NLRP5: variants seen among roughly 807,000 people sequenced by gnomAD.
NLRP5 encodes NLR family pyrin domain containing 5.
A neutral mutation model predicts 113.1 loss-of-function variants in NLRP5; 93 were observed. The ratio of observed to expected loss-of-function variants is 0.82; its 90% CI spans 0.70 to 0.98. The LOEUF is 0.98. NLRP5 is among the 50% of genes least tolerant of loss of function. NLRP5 has a pLI of 0.00. For synonymous variants in NLRP5, 751 were observed against 600.7 expected (o/e 1.25, Z -3.66); for missense variants, 1,808 against 1,514.3 (o/e 1.19, Z -3.22).
intron 9 of NLRP5, among the ~76,000 whole-genome samples, chr19:56,037,290 G>A (rs973588135): frequency 1.2e-4 from 18 of 152,226 alleles, no homozygotes; most frequent in Non-Finnish European, 2.1e-4. Flanking sequence ...AGGCACCGTC[G>A]CAGCTGCCGA....
At position 56,021,541 on chromosome 19, in the gene NLRP5, G is replaced by T. The variant is rs10401127; in HGVS notation, c.679+1110G>T. On this transcript the variant is annotated intron_variant, in intron 6 of 14. Transcript: ENST00000390649. ...TCTACTTTGTATCTCTAAACTCTCC[G>T]ATTCCAGATCGGTCATGTAGATGGA... is the stretch of plus-strand genomic sequence containing the variant. Among the ~76,000 whole-genome samples, 1,396 of 152,020 alleles carry T rather than the reference G, an allele frequency of 9.2e-3. 21 individuals carry two copies. The highest frequency in any genetic ancestry group is 0.032 in the African/African-American group (1,325 of 41,442).
chr19:56,005,468 C>CACGCAGGTGGCATGCCTATACACACATAT (rs1568481807), intron 2 of NLRP5, among the ~76,000 whole-genome samples: 25 of 140,782 alleles, frequency 1.8e-4, no homozygotes, highest in African/African-American at 6.5e-4. Flanking sequence ...TACACACACA[C>CACGCAGGTGGCATGCCTATACACACATAT]ATATTTATAC....
At chr19:56,038,833 G>C (rs965626929) in intron 10 of NLRP5, among the ~76,000 whole-genome samples, 1 of 152,108 alleles carries the variant, frequency 6.6e-6, no homozygotes, top group African/African-American at 2.4e-5. Context: ...TTCCTTTTCC[G>C]TGTCAGAGTT....
intron 13 of NLRP5, among the ~76,000 whole-genome samples, chr19:56,058,028 C>CAA (rs10659776): frequency 0.13 from 14,590 of 115,490 alleles, 958 homozygotes; most frequent in African/African-American, 0.21. Context: ...AATGCTATCT[C>CAA]AAAAAAAAAA....
intron 13 of NLRP5, among the ~76,000 whole-genome samples, chr19:56,057,982 T>C (rs1984217188): frequency 1.3e-5 from 2 of 150,170 alleles, no homozygotes; most frequent in African/African-American, 4.9e-5. Flanking sequence ...GAGCCAAGAT[T>C]GTGCTACTGC....
chr19:56,023,869 A>T (rs1056135054), intron 6 of NLRP5, among the ~76,000 whole-genome samples: 1 of 152,172 alleles, frequency 6.6e-6, no homozygotes. Flanking sequence ...TACAGTTAGT[A>T]ATTGTATTAC....
chr19:56,022,592 T>A (rs542502516), intron 6 of NLRP5, among the ~76,000 whole-genome samples: 22 of 152,130 alleles, frequency 1.4e-4, no homozygotes, highest in Non-Finnish European at 2.9e-4. Flanking sequence ...ACAATTAAAT[T>A]TATGTAAAAC....
In NLRP5 at chr19:56,027,078, TG is replaced by T. The variant is rs1413533596; in HGVS notation, c.847del (p.Val283PhefsTer13). 6.4e-7 allele frequency: 1 copy of T among 1,561,450 alleles called. No homozygotes were observed. Among genetic ancestry groups the T allele is most frequent in the African/African-American group, 1.4e-5 (1 of 73,392 alleles). On this transcript the variant is annotated frameshift_variant, in exon 7 of 15. Transcript: ENST00000390649. LOFTEE classifies it high-confidence loss of function. ...CGGTGGGGCTTCCGGCCTCGCACGG[TG>T]GTTCTGCACGGAAAGTCAGGAATTG...
rs780680115 is a variant in NLRP5, at chr19:56,027,849, T to C, written c.1616T>C (p.Val539Ala). The C allele has an allele frequency of 6.2e-7, 1 of 1,613,620 alleles. No homozygotes were observed. Among genetic ancestry groups the C allele is most frequent in the Non-Finnish European group, 8.5e-7 (1 of 1,179,820 alleles). Residue 539 changes from valine to alanine, a missense_variant, in exon 7 of 15, where the codon GTG becomes GCG. Transcript: ENST00000390649. Reference sequence around the variant, plus strand: ...TTCTGCCGTATGGCTGTGGAGGGAGTGTGGAATAGGAAGTCAGTGTTTGAC... The same window carrying C: ...TTCTGCCGTATGGCTGTGGAGGGAGCGTGGAATAGGAAGTCAGTGTTTGAC...
rs937199077 is a variant in NLRP5, at chr19:56,008,825, C to T, written c.480C>T (p.Asp160=). ...AAGATCCTGAAGCAACGATGACTGACCAAGGACCAAGCAAGGAAAAAGTGC... is the reference window on the plus strand; with the variant it reads ...AAGATCCTGAAGCAACGATGACTGATCAAGGACCAAGCAAGGAAAAAGTGC... Residue 160 remains aspartate, a synonymous_variant, in exon 3 of 15, where the codon GAC becomes GAT. Transcript: ENST00000390649. 7.4e-6 allele frequency: 12 copies of T among 1,612,234 alleles called. No homozygotes were observed. The African/African-American group carries it at 1.6e-4, about 22-fold the overall frequency.
Position 56,005,280 on chromosome 19 carries a change from CAT to C in NLRP5, c.442+1190_442+1191del, listed in dbSNP as rs901280579. On this transcript the variant is annotated intron_variant, in intron 2 of 14. Coordinates refer to ENST00000390649, the MANE Select transcript of NLRP5 (RefSeq NM_153447.4). ...TTATATATACACATACACATATACA[CAT>C]ATATTTTTATATATACACATATATA... Among the ~76,000 whole-genome samples the C allele has an allele frequency of 8.5e-4, 125 of 146,448 alleles. No homozygotes were observed. The East Asian group carries it at 0.012, about 14-fold the overall frequency.
intron 11 of NLRP5, among the ~76,000 whole-genome samples, chr19:56,045,433 C>G (rs1983686775): frequency 6.6e-6 from 1 of 151,826 alleles, no homozygotes; most frequent in Admixed American, 6.6e-5. Flanking sequence ...TTTTATTATA[C>G]TTTAAGTTTT....
chr19:55,998,036 AAAC>A (rs761571025), upstream of NLRP5, among the ~76,000 whole-genome samples: 4 of 152,154 alleles, frequency 2.6e-5, no homozygotes, highest in African/African-American at 4.8e-5. Context: ...AAAATAATCA[AAAC>A]AACCATGGTA....
intron 2 of NLRP5, among the ~76,000 whole-genome samples, chr19:56,007,303 G>A (rs1348474843): frequency 6.6e-6 from 1 of 151,074 alleles, no homozygotes; most frequent in African/African-American, 2.5e-5. Flanking sequence ...GGCAGAGGTT[G>A]CAGTGAGCTG....
intron 13 of NLRP5, among the ~76,000 whole-genome samples, chr19:56,057,199 C>T (rs437136): frequency 0.21 from 31,375 of 152,098 alleles, 3,529 homozygotes; most frequent in Non-Finnish European, 0.26. Flanking sequence ...TATATACCCA[C>T]CACCTAATTT....
rs1555765383 is a variant in NLRP5, at chr19:56,013,596, G to GGTTTTTTTTTTTTTTTTT, written c.509-2146_509-2145insGTTTTTTTTTTTTTTTTT. Among the ~76,000 whole-genome samples the GGTTTTTTTTTTTTTTTTT allele has an allele frequency of 6.2e-4, 37 of 59,288 alleles. 3 individuals carry two copies. Among genetic ancestry groups the GGTTTTTTTTTTTTTTTTT allele is most frequent in the Non-Finnish European group, 5.8e-4 (20 of 34,716 alleles). The allele number at this position is 59,288 out of a possible 152,430, so 38.9% of individuals were successfully genotyped here. A position where few individuals can be genotyped will look rare whatever the true frequency, so the allele number is the denominator to read the frequency against. ...CATTTATCACATGATGGACATTTGG[G>GGTTTTTTTTTTTTTTTTT]TTTTTTTTTTTTTTTTTTTTTGCTA... On this transcript the variant is annotated intron_variant, in intron 3 of 14. Coordinates refer to ENST00000390649, the MANE Select transcript of NLRP5 (RefSeq NM_153447.4).
intron 7 of NLRP5, among the ~76,000 whole-genome samples, chr19:56,030,982 G>A (rs1220567924): frequency 1.3e-5 from 2 of 151,838 alleles, no homozygotes; most frequent in African/African-American, 4.8e-5. Flanking sequence ...AAAGTGCCGG[G>A]ATGACAGGCG....
upstream of NLRP5, among the ~76,000 whole-genome samples, chr19:55,996,605 C>A (rs996777497): frequency 6.6e-6 from 1 of 152,084 alleles, no homozygotes; most frequent in Non-Finnish European, 1.5e-5. Context: ...TTCGTCCTTG[C>A]GATAGTTTGC....
intron 13 of NLRP5, among the ~76,000 whole-genome samples, chr19:56,055,749 G>A (rs1396957996): frequency 4.0e-5 from 6 of 151,282 alleles, no homozygotes; most frequent in South Asian, 4.2e-4. Context: ...GTTTCACCGT[G>A]TTAGCCAGGA....
Sources: gnomAD v4.1 joint callset for allele counts (sites outside exome capture counted in the v4.1 genomes callset) on GRCh38, gnomAD v4.1.1 for gene constraint, MANE v1.5 for transcripts, NCBI Gene and HGNC (gene_info 2026-07-23, HGNC 2026-07-21) for gene names.